Variants in ASCC3 observed in about 807,000 individuals in gnomAD.
ASCC3 encodes the protein ASC-1 complex subunit P200.
In ASCC3, 158 loss-of-function variants were observed where a neutral mutation model predicts 256.3. That is an observed-to-expected ratio of 0.62 (90% CI 0.54 to 0.70). The LOEUF is 0.70. ASCC3 is among the 30% of genes least tolerant of loss of function. The probability of loss-of-function intolerance (pLI) is 0.00; values close to 1 mark genes in which losing one functional copy is unlikely to be tolerated. For missense variants in ASCC3, 2,259 were observed against 2,626.0 expected, an observed-to-expected ratio of 0.86 and a Z score of 3.05; for synonymous variants, 948 against 883.4, an observed-to-expected ratio of 1.07 and a Z score of -1.30.
At chr6:100,579,171 T>G (rs1423414190) in intron 36 of ASCC3, among the ~76,000 whole-genome samples, 1 of 150,632 alleles carries the variant, frequency 6.6e-6, no homozygotes, top group African/African-American at 2.4e-5. Context: ...TGCCCACTTT[T>G]TAATGGGGTT....
intron 30 of ASCC3, among the ~76,000 whole-genome samples, chr6:100,613,767 G>A (rs1582564015): frequency 6.6e-6 from 1 of 152,106 alleles, no homozygotes; most frequent in Admixed American, 6.5e-5. Context: ...ATTTTCCATA[G>A]AGGTTGTTCT....
chr6:100,671,570 TA>T (rs998625328), intron 14 of ASCC3, among the ~76,000 whole-genome samples: 89 of 152,210 alleles, frequency 5.8e-4, no homozygotes, highest in African/African-American at 2.1e-3. Context: ...TCCTCTGACT[TA>T]ATCTTTCCAG....
chr6:100,557,144 T>A (rs748115669), intron 36 of ASCC3, among the ~76,000 whole-genome samples: 11 of 152,156 alleles, frequency 7.2e-5, no homozygotes, highest in Non-Finnish European at 1.5e-4. Flanking sequence ...TTCTACTCTT[T>A]TTATATTCTC....
chr6:100,740,277 T>A (rs1780367429), intron 10 of ASCC3, among the ~76,000 whole-genome samples: 1 of 152,228 alleles, frequency 6.6e-6, no homozygotes, highest in South Asian at 2.1e-4. Flanking sequence ...TCTAATTTGA[T>A]TGCACTGTGG....
intron 37 of ASCC3, chr6:100,530,381 G>C (rs1266607139): frequency 3.4e-6 from 4 of 1,186,526 alleles, no homozygotes; most frequent in Non-Finnish European, 5.1e-6. Flanking sequence ...AAAATGACTG[G>C]AAGTTAGATG....
intron 13 of ASCC3, among the ~76,000 whole-genome samples, chr6:100,712,381 CT>C (rs1199046403): frequency 6.6e-6 from 1 of 152,090 alleles, no homozygotes; most frequent in Non-Finnish European, 1.5e-5. Context: ...CGATAAAGGA[CT>C]GTTAACAAAA....
chr6:100,508,818 A>T lies in ASCC3; in HGVS notation c.*568T>A, dbSNP rs1773619588. ...GTATATTGTTTTCTTTGTTATCATCATTAGGCTCCATAATATAATTTTACA... is the reference window on the plus strand; with the variant it reads ...GTATATTGTTTTCTTTGTTATCATCTTTAGGCTCCATAATATAATTTTACA... On this transcript the variant is annotated 3_prime_UTR_variant, in exon 42 of 42. Transcript: ENST00000369162. 1 of 154,144 alleles carries T rather than the reference A, an allele frequency of 6.5e-6. No homozygotes were observed. Among genetic ancestry groups the T allele is most frequent in the African/African-American group, 2.4e-5 (1 of 41,466 alleles). The allele number at this position is 154,144 out of a possible 1,614,324, so 9.5% of individuals were successfully genotyped here.
At chr6:100,737,337 A>G (rs755059850) in intron 10 of ASCC3, among the ~76,000 whole-genome samples, 1 of 151,836 alleles carries the variant, frequency 6.6e-6, no homozygotes, top group Non-Finnish European at 1.5e-5. Context: ...ATCACCTTAC[A>G]TATTAAGCCC....
chr6:100,723,859 AT>A (rs1445883834), intron 11 of ASCC3, among the ~76,000 whole-genome samples: 1 of 56,866 alleles, frequency 1.8e-5, no homozygotes, highest in Non-Finnish European at 3.2e-5. Flanking sequence ...TTATTAGGGA[AT>A]TATATATATA....
At chr6:100,519,389 G>A (rs1037727839) in intron 37 of ASCC3, among the ~76,000 whole-genome samples, 1 of 152,072 alleles carries the variant, frequency 6.6e-6, no homozygotes, top group African/African-American at 2.4e-5. Context: ...GTGTGTGTAT[G>A]AATGTGTATA....
Position 100,540,365 on chromosome 6 carries a change from A to G in ASCC3, c.5573T>C (p.Leu1858Ser). Residue 1858 changes from leucine to serine, a missense_variant, in exon 37 of 42, where the codon TTG becomes TCG. Transcript: ENST00000369162. The stretch of plus-strand genomic sequence containing the variant: ...ATGATCTTCATTGTGTCTCACTGGC[A>G]AATCTGTATATTCTTCTGCATCCTG... ...ILSDAEEYTDLPVRHNEDHMN... is the reference protein window; with the variant it reads ...ILSDAEEYTDSPVRHNEDHMN... The G allele has an allele frequency of 3.1e-6, 5 of 1,613,766 alleles. No individual in the cohort carries two copies. Among genetic ancestry groups the G allele is most frequent in the Non-Finnish European group, 4.2e-6 (5 of 1,179,878 alleles).
At chr6:100,709,310 G>T (rs1294885473) in intron 13 of ASCC3, among the ~76,000 whole-genome samples, 1 of 152,110 alleles carries the variant, frequency 6.6e-6, no homozygotes, top group Admixed American at 6.6e-5. Context: ...ACAGAAAACT[G>T]CAAACATTTA....
chr6:100,730,720 G>C (rs1779860008), intron 10 of ASCC3, among the ~76,000 whole-genome samples: 2 of 152,106 alleles, frequency 1.3e-5, no homozygotes, highest in African/African-American at 4.8e-5. Context: ...TGTCAGTTCT[G>C]ATTGATGGCA....
chr6:100,602,761 C>T (rs1772687728), intron 33 of ASCC3, among the ~76,000 whole-genome samples: 1 of 151,854 alleles, frequency 6.6e-6, no homozygotes, highest in African/African-American at 2.4e-5. Flanking sequence ...TGTTGAAAGA[C>T]TGGTATAACA....
chr6:100,870,894 T>G (rs1282637593), intron 1 of ASCC3, among the ~76,000 whole-genome samples: 1 of 152,164 alleles, frequency 6.6e-6, no homozygotes, highest in Non-Finnish European at 1.5e-5. Flanking sequence ...TATTATATAT[T>G]GAAACTACCT....
chr6:100,617,402 T>C (rs2114838625), intron 30 of ASCC3, among the ~76,000 whole-genome samples: 1 of 152,300 alleles, frequency 6.6e-6, no homozygotes, highest in Admixed American at 6.5e-5. Flanking sequence ...ACTATCCAGA[T>C]CGTAGCACTA....
At chr6:100,548,530 T>C (rs1221772746) in intron 36 of ASCC3, among the ~76,000 whole-genome samples, 2 of 151,986 alleles carry the variant, frequency 1.3e-5, no homozygotes, top group Non-Finnish European at 2.9e-5. Flanking sequence ...CCATATGCCA[T>C]TGTAGGCTCT....
Position 100,530,955 on chromosome 6 carries a change from T to A in ASCC3, c.5775+9208A>T, listed in dbSNP as rs1774841349. ...TTCAGTACAGTGATTGCAAATCACG[T>A]GTCTAATTATGATGAAGGAGCATGG... On this transcript the variant is annotated intron_variant, in intron 37 of 41. Transcript: ENST00000369162. The A allele has an allele frequency of 1.1e-5, 16 of 1,466,462 alleles. No individual in the cohort carries two copies. The South Asian group carries it at 1.7e-4, about 16-fold the overall frequency. 90.8% of individuals were successfully genotyped at this position (1,466,462 alleles called of 1,614,324 possible).
intron 1 of ASCC3, among the ~76,000 whole-genome samples, chr6:100,868,956 A>G (rs1040138265): frequency 6.6e-6 from 1 of 152,246 alleles, no homozygotes; most frequent in African/African-American, 2.4e-5. Context: ...TGATCTATGA[A>G]AGACTCTTGG....
Sources: allele counts gnomAD v4.1 joint callset (sites outside exome capture counted in the v4.1 genomes callset), GRCh38; gene constraint gnomAD v4.1.1; transcripts MANE v1.5; gene names NCBI Gene and HGNC (gene_info 2026-07-23, HGNC 2026-07-21).